Variants in KATNIP observed in about 807,000 individuals in gnomAD.
KATNIP encodes katanin-interacting protein.
Under a neutral mutation model 174.0 loss-of-function variants are expected in KATNIP, and 126 were observed. The observed-to-expected ratio is 0.72, with a 90% confidence interval of 0.63 to 0.84. The LOEUF is 0.84. Among genes scored for constraint, KATNIP ranks in the 40% least tolerant of loss-of-function variants. KATNIP has a pLI of 0.00. For missense variants in KATNIP, 1,958 were observed against 2,109.7 expected (o/e 0.93, Z 1.41); for synonymous variants, 810 against 835.7 (o/e 0.97, Z 0.53).
chr16:27,564,735 G>C (rs893008336), intron 1 of KATNIP, among the ~76,000 whole-genome samples: 10 of 151,490 alleles, frequency 6.6e-5, no homozygotes, highest in Admixed American at 6.6e-4. Context: ...TTGCAGAGCC[G>C]GTGTCTGCCT....
chr16:27,571,131 C>T (rs1040256402), intron 1 of KATNIP, among the ~76,000 whole-genome samples: 4 of 152,152 alleles, frequency 2.6e-5, no homozygotes, highest in Non-Finnish European at 5.9e-5. Flanking sequence ...CTCCGAGGTT[C>T]AGGTGAATCT....
At position 27,628,700 on chromosome 16, in the gene KATNIP, G is replaced by A; in HGVS notation, c.180G>A (p.Leu60=). ...TGAAAAGCAAGGACCCCGTGCAATT[G>A]AGGCTGGAGCACTTGGAGCAAGGTT... ...KHLKSKDPVQ[L]RLEHLEQGFS... Residue 60 remains leucine, a synonymous_variant, in exon 4 of 28, where the codon TTG becomes TTA. Transcript: ENST00000261588. The A allele has an allele frequency of 1.2e-6, 2 of 1,614,230 alleles. No individual in the cohort carries two copies. Among genetic ancestry groups the A allele is most frequent in the Non-Finnish European group, 1.7e-6 (2 of 1,180,034 alleles).
intron 16 of KATNIP, among the ~76,000 whole-genome samples, chr16:27,750,547 G>A (rs931619122): frequency 6.6e-6 from 1 of 150,386 alleles, no homozygotes; most frequent in African/African-American, 2.4e-5. Flanking sequence ...AGCCTCACGA[G>A]TAGCTGGGAC....
intron 6 of KATNIP, among the ~76,000 whole-genome samples, chr16:27,655,222 ATATATATT>A (rs2077238817): frequency 6.6e-5 from 5 of 75,504 alleles, no homozygotes; most frequent in Admixed American, 2.9e-4. Context: ...ATATATATAT[ATATATATT>A]TTGTTTGTTT....
chr16:27,751,713 C>G lies in KATNIP; in HGVS notation c.3347-6C>G. 1.2e-6 allele frequency: 2 copies of G among 1,613,900 alleles called. No individual in the cohort carries two copies. The highest frequency in any genetic ancestry group is 1.7e-6 in the Non-Finnish European group (2 of 1,179,782). On this transcript the variant is annotated splice_region_variant and splice_polypyrimidine_tract_variant and intron_variant, in intron 16 of 27. Coordinates refer to ENST00000261588, the MANE Select transcript of KATNIP (RefSeq NM_015202.5). ...TGACCTTTCTGTCATCTTGATAACC[C>G]ATTAGCCCCAGAGCACTTTGGAGAC...
chr16:27,551,714 G>A (rs1596681156), intron 1 of KATNIP, among the ~76,000 whole-genome samples: 1 of 152,102 alleles, frequency 6.6e-6, no homozygotes, highest in African/African-American at 2.4e-5. Context: ...GTGAAACCTT[G>A]TCTCTACTAA....
chr16:27,638,286 G>C (rs77760490), intron 5 of KATNIP, among the ~76,000 whole-genome samples: 1,619 of 152,320 alleles, frequency 0.011, 43 homozygotes, highest in African/African-American at 0.037. Flanking sequence ...TTGTCAAGAA[G>C]GCTGGAGGTA....
intron 2 of KATNIP, among the ~76,000 whole-genome samples, chr16:27,607,077 T>C (rs1024052087): frequency 7.9e-5 from 12 of 152,132 alleles, no homozygotes; most frequent in Non-Finnish European, 1.6e-4. Context: ...GAAGCACACC[T>C]ATCCCTGAAC....
chr16:27,661,377 T>C (rs115614053), intron 6 of KATNIP, among the ~76,000 whole-genome samples: 1,830 of 152,106 alleles, frequency 0.012, 48 homozygotes, highest in African/African-American at 0.042. Context: ...GCCAGGTATC[T>C]GGGTTTCTGG....
chr16:27,709,008 G>T, intron 13 of KATNIP, 88 bp downstream of exon 13: 1 of 1,083,862 alleles, frequency 9.2e-7, no homozygotes, highest in Non-Finnish European at 1.3e-6. Context: ...AAGGGTATGA[G>T]TGGAGGGAGG....
intron 10 of KATNIP, among the ~76,000 whole-genome samples, chr16:27,701,155 TTTTTTTATTTTTTA>T (rs2079085854): frequency 6.6e-6 from 1 of 152,104 alleles, no homozygotes; most frequent in African/African-American, 2.4e-5. Context: ...TGAGAGGATT[TTTTTTTATTTTTTA>T]TTTTTTGAGA....
At chr16:27,725,769 A>C (rs963044656) in intron 14 of KATNIP, among the ~76,000 whole-genome samples, 2 of 152,150 alleles carry the variant, frequency 1.3e-5, no homozygotes, top group African/African-American at 2.4e-5. Context: ...ACAGATAAGC[A>C]CACCATCCCC....
At chr16:27,657,233 G>A (rs2077327401) in intron 6 of KATNIP, among the ~76,000 whole-genome samples, 1 of 152,052 alleles carries the variant, frequency 6.6e-6, no homozygotes, top group African/African-American at 2.4e-5. Context: ...TATTGAGAAG[G>A]AAAAAGTGGG....
At chr16:27,667,870 G>A (rs2077740297) in intron 6 of KATNIP, among the ~76,000 whole-genome samples, 1 of 152,132 alleles carries the variant, frequency 6.6e-6, no homozygotes, top group African/African-American at 2.4e-5. Context: ...GCTAATCAGG[G>A]CACATTTTCC....
In KATNIP at chr16:27,751,830, T is replaced by G; in HGVS notation, c.3458T>G (p.Leu1153Arg). 1.2e-6 allele frequency: 2 copies of G among 1,614,200 alleles called. No individual in the cohort carries two copies. The highest frequency in any genetic ancestry group is 1.3e-5 in the African/African-American group (1 of 75,050). ...CTGGATGTGGGGAGCCTGGACAGCC[T>G]GCAGGATGAAGAGGCAATGAGGAGG... is the stretch of plus-strand genomic sequence containing the variant. Reference protein sequence around the residue: ...FDLDVGSLDSLQDEEAMRRPS... With the variant: ...FDLDVGSLDSRQDEEAMRRPS... The change falls in exon 17 of 28, where the codon CTG (leucine) becomes CGG (arginine). Residue 1153 changes from leucine (L) to arginine (R), a missense_variant. By Grantham distance (102) the Leu-to-Arg change is moderately radical (BLOSUM62 -2). Coordinates refer to ENST00000261588, the MANE Select transcript of KATNIP (RefSeq NM_015202.5).
chr16:27,709,721 G>A (rs1439408927), intron 13 of KATNIP, among the ~76,000 whole-genome samples: 1 of 152,196 alleles, frequency 6.6e-6, no homozygotes, highest in African/African-American at 2.4e-5. Flanking sequence ...GGTGCTGGCA[G>A]AGGCCCCAGA....
intron 6 of KATNIP, among the ~76,000 whole-genome samples, chr16:27,673,655 C>G (rs756344291): frequency 6.6e-6 from 1 of 152,152 alleles, no homozygotes; most frequent in Non-Finnish European, 1.5e-5. Context: ...CAATAGGACA[C>G]CTCTCCCCCA....
chr16:27,685,883 C>A (rs2078505414), intron 8 of KATNIP, among the ~76,000 whole-genome samples: 3 of 152,164 alleles, frequency 2.0e-5, no homozygotes, highest in Non-Finnish European at 2.9e-5. Flanking sequence ...TGCAGGAGAC[C>A]AGAGTTACCG....
At position 27,728,284 on chromosome 16, in the gene KATNIP, G is replaced by A. The variant is rs144569312; in HGVS notation, c.1743+6589G>A. Among the ~76,000 whole-genome samples the A allele has an allele frequency of 2.8e-3, 426 of 152,364 alleles. 4 individuals are homozygous for A. The highest frequency in any genetic ancestry group is 9.9e-3 in the African/African-American group (410 of 41,580). The stretch of plus-strand genomic sequence containing the variant: ...ATGGCCAGAGGGCACTTTCCGTTGG[G>A]TGGGATGCAGTGAGTATAGTCTGTG... On this transcript the variant is annotated intron_variant, in intron 14 of 27. Coordinates refer to ENST00000261588, the MANE Select transcript of KATNIP (RefSeq NM_015202.5).
Sources: allele counts gnomAD v4.1 joint callset (sites outside exome capture counted in the v4.1 genomes callset), GRCh38; gene constraint gnomAD v4.1.1; transcripts MANE v1.5; gene names NCBI Gene and HGNC (gene_info 2026-07-23, HGNC 2026-07-21).